The following COL6A5 variants were observed in gnomAD, a reference collection of about 807,000 sequenced individuals.
COL6A5 encodes collagen type VI alpha 5 chain.
In COL6A5, 48 loss-of-function variants were observed where a neutral mutation model predicts 65.6. The observed-to-expected ratio is 0.73, with a 90% CI of 0.58 to 0.93. COL6A5 has a LOEUF of 0.93. COL6A5 is among the 40% of genes least tolerant of loss of function. The pLI, the probability that COL6A5 is intolerant of heterozygous loss-of-function variation, is 0.00. For missense variants in COL6A5, 914 were observed against 928.3 expected, an observed-to-expected ratio of 0.98 and a Z score of 0.20; for synonymous variants, 291 against 322.8, an observed-to-expected ratio of 0.90 and a Z score of 1.05.
chr3:130,399,032 C>G (rs1433310260), intron 10 of COL6A5, among the ~76,000 whole-genome samples: 1 of 152,214 alleles, frequency 6.6e-6, no homozygotes, highest in African/African-American at 2.4e-5. Flanking sequence ...TATATATTTT[C>G]TGTCCATGTC....
chr3:130,374,944 A>T (rs1158554658), intron 2 of COL6A5, among the ~76,000 whole-genome samples: 1 of 152,186 alleles, frequency 6.6e-6, no homozygotes, highest in Non-Finnish European at 1.5e-5. Flanking sequence ...ATTACTAAAA[A>T]CATCATTCAA....
intron 1 of COL6A5, among the ~76,000 whole-genome samples, chr3:130,347,952 T>C (rs927039886): frequency 1.3e-5 from 2 of 152,184 alleles, no homozygotes; most frequent in Admixed American, 6.5e-5. Flanking sequence ...AAGGGCTGAC[T>C]GGTGGTGCAT....
intron 5 of COL6A5, among the ~76,000 whole-genome samples, chr3:130,467,847 C>T (rs2107612928): frequency 6.6e-6 from 1 of 152,078 alleles, no homozygotes; most frequent in East Asian, 1.9e-4. Context: ...AGTTAAAAAT[C>T]TACTTTTTGC....
intron 1 of COL6A5, among the ~76,000 whole-genome samples, chr3:130,436,606 T>C (rs570027437): frequency 6.6e-6 from 1 of 152,336 alleles, no homozygotes; most frequent in East Asian, 1.9e-4. Context: ...AGTGGTTGAT[T>C]CTGTTGATTC....
intron 4 of COL6A5, among the ~76,000 whole-genome samples, chr3:130,384,252 A>G (rs538551216): frequency 6.6e-6 from 1 of 152,204 alleles, no homozygotes; most frequent in Admixed American, 6.6e-5. Flanking sequence ...GAGACGAAGA[A>G]TTGCTGGAAA....
chr3:130,413,463 G>A (rs1937241114), intron 20 of COL6A5, 82 bp from the exon 21 acceptor site: 4 of 1,298,920 alleles, frequency 3.1e-6, no homozygotes, highest in Non-Finnish European at 1.1e-6. Context: ...ATGTCTAGCA[G>A]AGAATGAAAG....
intron 1 of COL6A5, 52 bp from the exon 2 acceptor site, chr3:130,373,559 C>T (rs1935641503): frequency 1.2e-6 from 1 of 830,258 alleles, no homozygotes; most frequent in African/African-American, 1.7e-5. Context: ...CTGACAGTTA[C>T]TTAATGGTAT....
At chr3:130,455,490 G>A (rs819085) in exon 5 of COL6A5, 1,516,751 of 1,612,042 alleles carry the variant, frequency 0.94, 714,228 homozygotes, top group East Asian at 0.95. Flanking sequence ...TTTTTGGGAG[G>A]TAATGGCTTC....
chr3:130,431,880 G>A, exon 1 of COL6A5: 1 of 1,551,630 alleles, frequency 6.4e-7, no homozygotes, highest in Non-Finnish European at 8.7e-7. Flanking sequence ...CCACCATGGA[G>A]TTTAGTGCCC....
intron 4 of COL6A5, among the ~76,000 whole-genome samples, chr3:130,449,105 C>A (rs1709369256): frequency 6.6e-6 from 1 of 152,070 alleles, no homozygotes; most frequent in South Asian, 2.1e-4. Flanking sequence ...GTTCAGAAAC[C>A]AATTGAGTTA....
intron 6 of COL6A5, 70 bp from the exon 7 acceptor site, chr3:130,391,109 T>C (rs1936382072): frequency 8.9e-7 from 1 of 1,119,914 alleles, no homozygotes; most frequent in Admixed American, 2.3e-5. Flanking sequence ...GCCAGTTCGC[T>C]TCCCTTCTCA....
At chr3:130,391,247 T>G in exon 7 of COL6A5, 1 of 1,551,582 alleles carries the variant, frequency 6.4e-7, no homozygotes, top group Non-Finnish European at 8.7e-7. Context: ...AAAAAAACAA[T>G]ATCAAGATCA....
At chr3:130,441,874 A>G (rs1289951795) in intron 3 of COL6A5, among the ~76,000 whole-genome samples, 2 of 152,210 alleles carry the variant, frequency 1.3e-5, no homozygotes, top group Admixed American at 6.5e-5. Flanking sequence ...ACAGAATCAG[A>G]GCTGAACCTT....
chr3:130,368,999 A>G (rs10804598), intron 1 of COL6A5, among the ~76,000 whole-genome samples: 15,382 of 152,150 alleles, frequency 0.1, 888 homozygotes, highest in East Asian at 0.18. Flanking sequence ...TTTGCAGCCT[A>G]CGGCCCTTAT....
intron 1 of COL6A5, among the ~76,000 whole-genome samples, chr3:130,355,806 A>T (rs184827755): frequency 6.6e-5 from 10 of 152,106 alleles, no homozygotes; most frequent in Admixed American, 6.5e-4. Flanking sequence ...AATATAAAAT[A>T]GAAAGAGTTT....
Position 130,431,534 on chromosome 3 carries a change from G to A in COL6A5, c.74G>A (p.Ser25Asn), listed in dbSNP as rs1471526157. ...AATTCCTACGATGTCACAGAAGAGA[G>A]CTTTAATAAAACACGGGACATCATC... The change falls in exon 1 of 8, where the codon AGC becomes AAC. Residue 25 changes from serine (S) to asparagine (N), a missense_variant. Coordinates refer to ENST00000512836, the Ensembl canonical transcript of COL6A5. 7 of 1,551,548 alleles carry A rather than the reference G, an allele frequency of 4.5e-6. No individual in the cohort carries two copies. In the South Asian group the frequency reaches 7.1e-5, roughly 16 times the overall value.
At chr3:130,460,819 A>G (rs761259877) in intron 5 of COL6A5, among the ~76,000 whole-genome samples, 12 of 150,740 alleles carry the variant, frequency 8.0e-5, no homozygotes, top group Admixed American at 1.3e-4. Flanking sequence ...TGATGGTGGT[A>G]GTGATAATGG....
At chr3:130,384,888 A>G (rs1490430145) in exon 5 of COL6A5, 1 of 1,550,216 alleles carries the variant, frequency 6.5e-7, no homozygotes, top group South Asian at 1.2e-5. Flanking sequence ...GAGCAAATCA[A>G]GAGATTTATG....
chr3:130,398,288 G>A (rs371734489), intron 10 of COL6A5, among the ~76,000 whole-genome samples, 177 bp downstream of exon 10: 11 of 151,900 alleles, frequency 7.2e-5, no homozygotes, highest in South Asian at 6.2e-4. Context: ...CCACCACCAC[G>A]CCCAGCTAAT....
Sources: gnomAD v4.1 joint callset for allele counts (sites outside exome capture counted in the v4.1 genomes callset) on GRCh38, gnomAD v4.1.1 for gene constraint, MANE v1.5 for transcripts, NCBI Gene and HGNC (gene_info 2026-07-23, HGNC 2026-07-21) for gene names.